GPC4: variants seen among roughly 807,000 people sequenced by gnomAD.
The protein encoded by GPC4 is glypican-4.
A neutral mutation model predicts 35.0 loss-of-function variants in GPC4; 10 were observed. That is an observed-to-expected ratio of 0.29 (90% CI 0.18 to 0.48). GPC4 has a LOEUF of 0.48. Among genes scored for constraint, GPC4 ranks in the 20% least tolerant of loss-of-function variants. The pLI, the probability that GPC4 is intolerant of heterozygous loss-of-function variation, is 0.99. For synonymous variants in GPC4, 167 were observed against 170.2 expected, an observed-to-expected ratio of 0.98 and a Z score of 0.15; for missense variants, 322 against 451.3, an observed-to-expected ratio of 0.71 and a Z score of 2.60.
rs1210492818 is a variant in GPC4 at position 133,415,023 on chromosome X, CG to C, written c.-59del. The stretch of plus-strand genomic sequence containing the variant: ...TGGGACCGGACGGGAAGCGGCGCTA[CG>C]GCAGCGGGCCGAGGGCTGGCGGAGT... On this transcript the variant is annotated 5_prime_UTR_variant, in exon 1 of 9. Transcript: ENST00000370828. 6 of 1,120,739 alleles carry C rather than the reference CG, an allele frequency of 5.4e-6. No homozygotes were observed. The African/African-American group carries it at 1.1e-4, about 20-fold the overall frequency. The allele number at this position is 1,120,739 out of a possible 1,213,427, so 92.4% of individuals were successfully genotyped here.
Position 133,311,368 on chromosome X carries a change from T to C in GPC4, c.767A>G (p.His256Arg). 1 of 1,210,668 alleles carries C rather than the reference T, an allele frequency of 8.3e-7. No individual in the cohort carries two copies. The highest frequency in any genetic ancestry group is 1.1e-6 in the Non-Finnish European group (1 of 894,504). ...CTTCACAGTCACGAGACCCCGGCAG[T>C]GGGAGCAGTAGATCATCTTCAACAG... ...HALLKMIYCS[H>R]CRGLVTVKPC... The change falls in exon 4 of 9, where the codon CAC (histidine) becomes CGC (arginine). Residue 256 changes from histidine to arginine, a missense_variant. Transcript: ENST00000370828.
At chrX:133,414,459 G>A (rs994213332) in intron 1 of GPC4, 3 of 750,064 alleles carry the variant, frequency 4.0e-6, no homozygotes, top group Non-Finnish European at 4.7e-6. Context: ...CCGGTGACAC[G>A]CACTTTGAGG....
intron 1 of GPC4, among the ~76,000 whole-genome samples, chrX:133,367,014 G>A (rs142279462): frequency 0.014 from 1,528 of 112,086 alleles, 27 homozygotes; most frequent in African/African-American, 0.046. Context: ...CAAGTGGCCA[G>A]TAAGAAACCT....
chrX:133,305,907 T>A lies in GPC4; in HGVS notation c.1020A>T (p.Gly340=). ...CTGGGAGGGGCTTGGGGGGTCCACATCCCTGGAAAACCTGCATTAGAGTAA... is the reference window on the plus strand; with the variant it reads ...CTGGGAGGGGCTTGGGGGGTCCACAACCCTGGAAAACCTGCATTAGAGTAA... ...SVQVSQKVFQ[G]CGPPKPLPAG... is the part of the protein sequence containing the mutation. The change falls in exon 6 of 9, where the codon GGA becomes GGT. Residue 340 remains glycine (G), a synonymous_variant. Transcript: ENST00000370828. 8.3e-7 allele frequency: 1 copy of A among 1,211,081 alleles called. No homozygotes were observed. Among genetic ancestry groups the A allele is most frequent in the Non-Finnish European group, 1.1e-6 (1 of 895,398 alleles).
At chrX:133,413,241 A>T (rs2068820545) in intron 1 of GPC4, among the ~76,000 whole-genome samples, 1 of 111,901 alleles carries the variant, frequency 8.9e-6, no homozygotes. Flanking sequence ...CCCAAAAGAC[A>T]GGCAGCTGAA....
chrX:133,373,396 C>T (rs1468548302), intron 1 of GPC4, among the ~76,000 whole-genome samples: 1 of 111,808 alleles, frequency 8.9e-6, no homozygotes, highest in Non-Finnish European at 1.9e-5. Flanking sequence ...AAGACACACA[C>T]ACACACACAC....
At chrX:133,367,269 G>T (rs1175268105) in intron 1 of GPC4, among the ~76,000 whole-genome samples, 3 of 111,772 alleles carry the variant, frequency 2.7e-5, no homozygotes, top group Admixed American at 9.5e-5. Flanking sequence ...TCTACTCTGT[G>T]TGATCCTTTT....
intron 1 of GPC4, among the ~76,000 whole-genome samples, chrX:133,370,551 C>T (rs186229458): frequency 8.7e-4 from 97 of 111,247 alleles, no homozygotes; most frequent in African/African-American, 3.1e-3. Context: ...TTTTTTCATA[C>T]CTTCACTGTT....
chrX:133,347,252 T>G (rs1016491753), intron 1 of GPC4, among the ~76,000 whole-genome samples: 1 of 75,523 alleles, frequency 1.3e-5, no homozygotes, highest in African/African-American at 5.6e-5. Flanking sequence ...TTAGAAGTTT[T>G]TTTTTTTTTT....
chrX:133,414,725 G>A (rs755283863), intron 1 of GPC4, 81 bp downstream of exon 1: 15 of 1,142,892 alleles, frequency 1.3e-5, no homozygotes, highest in South Asian at 4.2e-5. Flanking sequence ...CGCAGGGGGC[G>A]GCGGGGCGGG....
At chrX:133,361,504 C>A (rs1413994079) in intron 1 of GPC4, among the ~76,000 whole-genome samples, 8 of 110,745 alleles carry the variant, frequency 7.2e-5, no homozygotes, top group Admixed American at 6.8e-4. Flanking sequence ...ACACTTCACA[C>A]CATTCTTGAG....
At chrX:133,376,994 C>T (rs1230709307) in intron 1 of GPC4, among the ~76,000 whole-genome samples, 1 of 112,134 alleles carries the variant, frequency 8.9e-6, no homozygotes, top group Non-Finnish European at 1.9e-5. Flanking sequence ...TCTTTTTCCA[C>T]TCCTAGATCC....
At chrX:133,343,012 A>G (rs1268669426) in intron 1 of GPC4, among the ~76,000 whole-genome samples, 2 of 111,519 alleles carry the variant, frequency 1.8e-5, no homozygotes, top group Admixed American at 1.9e-4. Flanking sequence ...CACTGAAGAA[A>G]GATGCCACAA....
chrX:133,331,998 T>C (rs924603470), intron 2 of GPC4, among the ~76,000 whole-genome samples: 1 of 111,358 alleles, frequency 9.0e-6, no homozygotes, highest in Non-Finnish European at 1.9e-5. Context: ...AAAGTAACTA[T>C]TTCCCTTTAT....
chrX:133,400,721 G>T (rs1290319002), intron 1 of GPC4, among the ~76,000 whole-genome samples: 2 of 111,378 alleles, frequency 1.8e-5, no homozygotes, highest in African/African-American at 3.3e-5. Flanking sequence ...CAACCTATTT[G>T]CAAGGAGTAC....
At chrX:133,408,382 TCAA>T (rs2124186554) in intron 1 of GPC4, among the ~76,000 whole-genome samples, 1 of 112,238 alleles carries the variant, frequency 8.9e-6, no homozygotes, top group South Asian at 3.7e-4. Flanking sequence ...CACAACAGTC[TCAA>T]CTGTTCATTC....
chrX:133,339,614 T>C (rs1473077386), intron 1 of GPC4, among the ~76,000 whole-genome samples: 2 of 112,101 alleles, frequency 1.8e-5, no homozygotes, highest in African/African-American at 6.5e-5. Context: ...AATATAATAT[T>C]CCATGTCAAC....
chrX:133,314,841 AG>A (rs769247112), intron 3 of GPC4, among the ~76,000 whole-genome samples: 1 of 111,049 alleles, frequency 9.0e-6, no homozygotes, highest in South Asian at 3.9e-4. Flanking sequence ...TCCCCTGCAA[AG>A]TCTCATCCCC....
In GPC4 at chrX:133,302,983, C is replaced by A; in HGVS notation, c.1555G>T (p.Ala519Ser). ...GCTTTCTCATTGGCACTCTTCCCAG[C>A]ATGGTCAGTGGCATTGTAGTCAAAC... ...SEFDYNATDH[A>S]GKSANEKADS... is the part of the protein sequence containing the mutation. The change falls in exon 9 of 9, where the codon GCT becomes TCT. Residue 519 changes from alanine (A) to serine (S), a missense_variant. By Grantham distance (99) the Ala-to-Ser change is moderately conservative (BLOSUM62 1). Around this residue, in one of 3 missense-constraint regions of GPC4, gnomAD observed 99 missense variants for 110.0 expected, o/e 0.90. Transcript: ENST00000370828. 3 of 1,211,540 alleles carry A rather than the reference C, an allele frequency of 2.5e-6. No homozygotes were observed. The highest frequency in any genetic ancestry group is 3.4e-6 in the Non-Finnish European group (3 of 895,396).
Sources: gnomAD v4.1 joint callset for allele counts (sites outside exome capture counted in the v4.1 genomes callset) on GRCh38, gnomAD v4.1.1 for gene constraint, gnomAD v4.1.1 regional missense constraint, MANE v1.5 for transcripts, NCBI Gene and HGNC (gene_info 2026-07-23, HGNC 2026-07-21) for gene names.